CHSY3: variants seen among roughly 807,000 people sequenced by gnomAD.
CHSY3 encodes chondroitin sulfate synthase 3.
In CHSY3, 35 loss-of-function variants were observed where a neutral mutation model predicts 67.2. That is an observed-to-expected ratio of 0.52 (90% confidence interval 0.40 to 0.69). CHSY3 has a LOEUF of 0.69. Ranked by LOEUF, CHSY3 falls within the 30% of genes least tolerant of loss-of-function variation. The pLI, the probability that CHSY3 is intolerant of heterozygous loss-of-function variation, is 0.00. For synonymous variants in CHSY3, 474 were observed against 434.7 expected, an observed-to-expected ratio of 1.09 and a Z score of -1.12; for missense variants, 1,069 against 1,138.5, an observed-to-expected ratio of 0.94 and a Z score of 0.88.
chr5:129,962,800 A>G (rs955260133), intron 2 of CHSY3, among the ~76,000 whole-genome samples: 17 of 151,982 alleles, frequency 1.1e-4, no homozygotes, highest in Admixed American at 1.1e-3. Context: ...CAAGGATTGC[A>G]TTCAAATGAT....
intron 2 of CHSY3, among the ~76,000 whole-genome samples, chr5:129,917,656 T>C (rs1760773411): frequency 6.6e-6 from 1 of 152,244 alleles, no homozygotes; most frequent in Non-Finnish European, 1.5e-5. Context: ...TTTATATTAT[T>C]TGTTCCCCTC....
chr5:129,994,353 C>A (rs534526672), intron 2 of CHSY3, among the ~76,000 whole-genome samples: 81 of 152,236 alleles, frequency 5.3e-4, no homozygotes, highest in African/African-American at 1.9e-3. Flanking sequence ...GTACACCAAT[C>A]AGATGTAGAT....
chr5:129,906,286 C>G (rs1760295383), intron 1 of CHSY3, among the ~76,000 whole-genome samples: 1 of 152,008 alleles, frequency 6.6e-6, no homozygotes, highest in Non-Finnish European at 1.5e-5. Context: ...CAGTTCAGCA[C>G]CAAGCCGTCC....
At chr5:129,935,546 A>G (rs1487509634) in intron 2 of CHSY3, among the ~76,000 whole-genome samples, 2 of 152,176 alleles carry the variant, frequency 1.3e-5, no homozygotes, top group South Asian at 4.1e-4. Flanking sequence ...CATCCACAAC[A>G]GGGATAACAA....
chr5:130,074,802 G>T (rs1170934883), intron 2 of CHSY3, among the ~76,000 whole-genome samples: 1 of 152,066 alleles, frequency 6.6e-6, no homozygotes, highest in Non-Finnish European at 1.5e-5. Context: ...GAATGCAATT[G>T]GAAACCTTGC....
intron 2 of CHSY3, among the ~76,000 whole-genome samples, chr5:130,085,310 A>G (rs1226905339): frequency 1.3e-5 from 2 of 152,042 alleles, no homozygotes; most frequent in African/African-American, 4.8e-5. Flanking sequence ...TGAATATGAG[A>G]TTTCAAAAGC....
chr5:130,097,638 A>G (rs961259460), intron 2 of CHSY3, among the ~76,000 whole-genome samples: 1 of 152,236 alleles, frequency 6.6e-6, no homozygotes, highest in Non-Finnish European at 1.5e-5. Flanking sequence ...ACTACGTGTT[A>G]AGATGTCTAC....
chr5:130,056,927 T>C (rs969923131), intron 2 of CHSY3, among the ~76,000 whole-genome samples: 3 of 135,792 alleles, frequency 2.2e-5, no homozygotes, highest in Non-Finnish European at 4.7e-5. Context: ...TCTTTTTTTT[T>C]TTTTTTTTTT....
chr5:130,067,795 C>G (rs189326792), intron 2 of CHSY3, among the ~76,000 whole-genome samples: 1 of 152,176 alleles, frequency 6.6e-6, no homozygotes, highest in Non-Finnish European at 1.5e-5. Flanking sequence ...ATTGTGATAT[C>G]AAAGACATCA....
Position 130,185,688 on chromosome 5 carries a change from T to A in CHSY3, c.2546T>A (p.Met849Lys), listed in dbSNP as rs761118320. 3.7e-6 allele frequency: 6 copies of A among 1,613,896 alleles called. No individual in the cohort carries two copies. The highest frequency in any genetic ancestry group is 4.2e-6 in the Non-Finnish European group (5 of 1,179,940). ...DPNLDPKQYK[M>K]CLGSKASTFA... is the part of the protein sequence containing the mutation. ...AACTTGGACCCTAAGCAGTATAAGA[T>A]GTGCTTAGGATCCAAGGCAAGTACT... The change falls in exon 3 of 3, where the codon ATG (methionine) becomes AAG (lysine). Residue 849 changes from methionine (M) to lysine (K), a missense_variant. Met to Lys is a moderately conservative substitution (Grantham distance 95). Transcript: ENST00000305031.
chr5:130,160,400 C>T (rs1047164433), intron 2 of CHSY3, among the ~76,000 whole-genome samples: 1 of 152,272 alleles, frequency 6.6e-6, no homozygotes, highest in East Asian at 1.9e-4. Context: ...TTTCTCCTAT[C>T]AAAGGCCCAT....
intron 2 of CHSY3, among the ~76,000 whole-genome samples, chr5:130,058,200 T>C (rs1204852185): frequency 6.6e-6 from 1 of 152,222 alleles, no homozygotes; most frequent in Non-Finnish European, 1.5e-5. Flanking sequence ...GTCATATTGA[T>C]TTTTATTATC....
chr5:130,146,526 G>C (rs1010437009), intron 2 of CHSY3, among the ~76,000 whole-genome samples: 1 of 152,068 alleles, frequency 6.6e-6, no homozygotes, highest in Non-Finnish European at 1.5e-5. Context: ...ATATGTTCTT[G>C]TGTTCTATTA....
intron 2 of CHSY3, among the ~76,000 whole-genome samples, chr5:130,127,623 C>G (rs1036142466): frequency 1.3e-5 from 2 of 152,058 alleles, no homozygotes; most frequent in African/African-American, 4.8e-5. Context: ...TCACTTAGAC[C>G]ATTGTTAAGT....
chr5:130,154,221 C>T (rs1024487442), intron 2 of CHSY3, among the ~76,000 whole-genome samples: 2 of 152,098 alleles, frequency 1.3e-5, no homozygotes, highest in Non-Finnish European at 2.9e-5. Flanking sequence ...CTGGCCCTGG[C>T]TGTTTTTAAA....
intron 2 of CHSY3, among the ~76,000 whole-genome samples, chr5:130,124,629 T>A (rs1016514881): frequency 3.9e-5 from 6 of 152,084 alleles, no homozygotes; most frequent in East Asian, 1.9e-4. Context: ...TTAATTTTTT[T>A]AATTTTTATT....
At chr5:130,154,943 T>C (rs1386706278) in intron 2 of CHSY3, among the ~76,000 whole-genome samples, 1 of 152,130 alleles carries the variant, frequency 6.6e-6, no homozygotes, top group South Asian at 2.1e-4. Flanking sequence ...TCTGATTCAC[T>C]AGGTTTGGGG....
intron 2 of CHSY3, among the ~76,000 whole-genome samples, chr5:130,075,737 A>G (rs1766228355): frequency 6.6e-6 from 1 of 152,168 alleles, no homozygotes; most frequent in Admixed American, 6.6e-5. Context: ...TCCATGGAAG[A>G]AAGGGCTGTG....
Position 130,185,096 on chromosome 5 carries a change from G to A in CHSY3, c.1954G>A (p.Val652Ile), listed in dbSNP as rs1457365655. The part of the protein sequence containing the change: ...ENMCLIPKQN[V>I]KLVIILFSRD... Reference sequence around the variant, plus strand: ...CATGTGTCTTATCCCAAAGCAGAATGTAAAGTTGGTCATTATCCTTTTCAG... The same window carrying A: ...CATGTGTCTTATCCCAAAGCAGAATATAAAGTTGGTCATTATCCTTTTCAG... Residue 652 changes from valine (V) to isoleucine (I), a missense_variant, in exon 3 of 3, where the codon GTA becomes ATA. Coordinates refer to ENST00000305031, the MANE Select transcript of CHSY3 (RefSeq NM_175856.5). 3.1e-6 allele frequency: 5 copies of A among 1,601,354 alleles called. No homozygotes were observed. Among genetic ancestry groups the A allele is most frequent in the Non-Finnish European group, 4.3e-6 (5 of 1,168,510 alleles).
Sources: gnomAD v4.1 joint callset for allele counts (sites outside exome capture counted in the v4.1 genomes callset) on GRCh38, gnomAD v4.1.1 for gene constraint, MANE v1.5 for transcripts, NCBI Gene and HGNC (gene_info 2026-07-23, HGNC 2026-07-21) for gene names.